CHD2: variants seen among roughly 807,000 people sequenced by gnomAD.
CHD2 encodes ATP-dependent chromatin remodeler CHD2.
CHD2 carries 28 observed loss-of-function variants against 243.9 expected under a neutral mutation model. The ratio of observed to expected loss-of-function variants is 0.11; its 90% CI spans 0.09 to 0.16. CHD2 has a LOEUF of 0.16. CHD2 is among the 10% of genes least tolerant of loss of function. The probability of loss-of-function intolerance (pLI) is 1.00; values close to 1 mark genes in which losing one functional copy is unlikely to be tolerated. For synonymous variants in CHD2, 775 were observed against 779.0 expected, an observed-to-expected ratio of 0.99 and a Z score of 0.09; for missense variants, 1,386 against 2,209.8, an observed-to-expected ratio of 0.63 and a Z score of 7.47.
chr15:92,922,188 A>T (rs559496912), intron 2 of CHD2, among the ~76,000 whole-genome samples: 21 of 152,286 alleles, frequency 1.4e-4, no homozygotes, highest in Admixed American at 3.9e-4. Flanking sequence ...CCACACTTGG[A>T]TTGGAATCCC....
rs1213719945 is a variant in CHD2 at position 92,991,675 on chromosome 15, AT to A, written c.3455+160del. The A allele has an allele frequency of 7.8e-6, 4 of 510,206 alleles. No homozygotes were observed. The African/African-American group carries it at 8.0e-5, about 10-fold the overall frequency. The allele number at this position is 510,206 out of a possible 1,614,324, so 31.6% of individuals were successfully genotyped here. A position where few individuals can be genotyped will look rare whatever the true frequency, so the allele number is the denominator to read the frequency against. ...ACATTTATATATTGGGTGCCTGTTC[AT>A]TCATGTCTCTCTGCAGAGGGATGAC... On this transcript the variant is annotated intron_variant, in intron 27 of 38. Coordinates refer to ENST00000394196, the MANE Select transcript of CHD2 (RefSeq NM_001271.4).
chr15:92,949,621 G>A (rs746110031), intron 13 of CHD2, among the ~76,000 whole-genome samples: 8 of 152,042 alleles, frequency 5.3e-5, no homozygotes, highest in Non-Finnish European at 8.8e-5. Flanking sequence ...AATCTTGGGG[G>A]GGTGAAAAAA....
chr15:92,996,455 C>T (rs371231028), intron 28 of CHD2, among the ~76,000 whole-genome samples: 4 of 152,104 alleles, frequency 2.6e-5, no homozygotes, highest in African/African-American at 7.2e-5. Flanking sequence ...CCACCGCGCC[C>T]GCCTGGGTTA....
At position 92,956,448 on chromosome 15, in the gene CHD2, T is replaced by C. The variant is rs759545889; in HGVS notation, c.1810-11T>C. 12 of 1,603,004 alleles carry C rather than the reference T, an allele frequency of 7.5e-6. No individual in the cohort carries two copies. The highest frequency in any genetic ancestry group is 1.7e-4 in the Middle Eastern group (1 of 6,056). On this transcript the variant is annotated splice_polypyrimidine_tract_variant and intron_variant, in intron 15 of 38. Coordinates refer to ENST00000394196, the MANE Select transcript of CHD2 (RefSeq NM_001271.4). Reference sequence around the variant, plus strand: ...GACCTGGTGGCTCGTTCTGTTTTGTTTTTACTTTAGACTGTGCTGGGCAGT... The same window carrying C: ...GACCTGGTGGCTCGTTCTGTTTTGTCTTTACTTTAGACTGTGCTGGGCAGT...
chr15:92,945,850 C>G lies in CHD2; in HGVS notation c.1183C>G (p.Gln395Glu). ...GAAGACAAGTAAATCTACATTGGGT[C>G]AAACAGATTTTCCAGGTAAGCAAGA... ...AVKTSKSTLG[Q>E]TDFPAHSRKP... Residue 395 changes from glutamine to glutamate, a missense_variant, in exon 11 of 39, where the codon CAA (glutamine) becomes GAA (glutamate). By Grantham distance (29) the Gln-to-Glu change is conservative. Around this residue, in one of 19 missense-constraint regions of CHD2, gnomAD observed 200 missense variants for 292.5 expected, o/e 0.68. Transcript: ENST00000394196. The G allele has an allele frequency of 6.3e-7, 1 of 1,583,772 alleles. No homozygotes were observed. Among genetic ancestry groups the G allele is most frequent in the African/African-American group, 1.4e-5 (1 of 74,026 alleles).
chr15:92,950,368 G>C (rs1368217252), intron 13 of CHD2: 2 of 152,176 alleles, frequency 1.3e-5, no homozygotes, highest in South Asian at 2.1e-4. Context: ...GGATCCATTA[G>C]TCCTCGAGAA....
At chr15:92,996,025 G>T (rs921913698) in intron 28 of CHD2, among the ~76,000 whole-genome samples, 2 of 152,094 alleles carry the variant, frequency 1.3e-5, no homozygotes, top group African/African-American at 4.8e-5. Context: ...CATGTGTGCT[G>T]CCCATTTTCT....
At chr15:92,940,820 TAAATATTATAAATATATAA>T (rs1360927394) in intron 7 of CHD2, among the ~76,000 whole-genome samples, 1 of 140,882 alleles carries the variant, frequency 7.1e-6, no homozygotes, top group Non-Finnish European at 1.5e-5. Context: ...TAAATATATA[TAAATATTATAAATATATAA>T]AAATATATAT....
intron 17 of CHD2, among the ~76,000 whole-genome samples, chr15:92,968,462 T>G (rs1481916140): frequency 6.6e-6 from 1 of 152,238 alleles, no homozygotes; most frequent in Non-Finnish European, 1.5e-5. Context: ...CAGTGTGACT[T>G]TAGAGGCAGA....
At chr15:93,022,809 A>G (rs1312441070) in intron 38 of CHD2, among the ~76,000 whole-genome samples, 6 of 152,144 alleles carry the variant, frequency 3.9e-5, no homozygotes, top group African/African-American at 9.7e-5. Flanking sequence ...CTATCTCATG[A>G]TAGTGAACAG....
intron 2 of CHD2, among the ~76,000 whole-genome samples, chr15:92,908,590 C>T (rs1223510271): frequency 6.6e-6 from 1 of 152,146 alleles, no homozygotes; most frequent in Non-Finnish European, 1.5e-5. Flanking sequence ...TGTATGTTTG[C>T]AGTATCTCCG....
chr15:92,985,377 T>G (rs2141851803), intron 25 of CHD2, 121 bp from the exon 26 acceptor site: 1 of 969,910 alleles, frequency 1.0e-6, no homozygotes, highest in East Asian at 2.8e-5. Flanking sequence ...AAAGGAAAAT[T>G]GACTTGTCTG....
At chr15:92,933,730 T>G (rs2053217726) in intron 5 of CHD2, among the ~76,000 whole-genome samples, 1 of 152,120 alleles carries the variant, frequency 6.6e-6, no homozygotes, top group Non-Finnish European at 1.5e-5. Flanking sequence ...CTTAGCCTCC[T>G]GAGTAGTTGG....
intron 24 of CHD2, among the ~76,000 whole-genome samples, chr15:92,983,467 G>A (rs1349376604): frequency 6.6e-6 from 1 of 152,120 alleles, no homozygotes; most frequent in South Asian, 2.1e-4. Flanking sequence ...TGACTTCACT[G>A]TTGGCTCCAA....
At chr15:93,024,301 G>C (rs1251959951) in intron 38 of CHD2, 71 bp from the exon 39 acceptor site, 1 of 1,372,808 alleles carries the variant, frequency 7.3e-7, no homozygotes, top group African/African-American at 1.4e-5. Flanking sequence ...GAAGAGCCAA[G>C]TGGGTAGTGA....
chr15:93,015,665 G>A (rs1434045503), intron 37 of CHD2, among the ~76,000 whole-genome samples: 1 of 151,908 alleles, frequency 6.6e-6, no homozygotes, highest in African/African-American at 2.4e-5. Context: ...TATGTAGCAG[G>A]AAGGCAAATG....
At chr15:92,950,226 A>G (rs1322811334) in intron 13 of CHD2, among the ~76,000 whole-genome samples, 1 of 152,242 alleles carries the variant, frequency 6.6e-6, no homozygotes, top group Non-Finnish European at 1.5e-5. Flanking sequence ...GGCTTAACAA[A>G]GAGTTATTAG....
chr15:92,993,057 G>A, intron 28 of CHD2, 59 bp downstream of exon 28: 1 of 1,594,014 alleles, frequency 6.3e-7, no homozygotes, highest in Non-Finnish European at 8.6e-7. Context: ...CTGGATTTCT[G>A]TTGCTAAAGG....
At chr15:92,978,150 G>A (rs2053933897) in intron 20 of CHD2, 84 bp from the exon 21 acceptor site, 6 of 1,505,530 alleles carry the variant, frequency 4.0e-6, no homozygotes, top group South Asian at 1.1e-5. Context: ...ACCTGCAGGG[G>A]TTTCCAGGTG....
Sources: allele counts gnomAD v4.1 joint callset (sites outside exome capture counted in the v4.1 genomes callset), GRCh38; gene constraint gnomAD v4.1.1; regional missense constraint gnomAD v4.1.1; transcripts MANE v1.5; gene names NCBI Gene and HGNC (gene_info 2026-07-23, HGNC 2026-07-21).